SACS: variants seen among roughly 807,000 people sequenced by gnomAD.
The protein encoded by SACS is sacsin.
In SACS, 197 loss-of-function variants were observed where a neutral mutation model predicts 348.0. The ratio of observed to expected loss-of-function variants is 0.57; its 90% confidence interval spans 0.50 to 0.64. The LOEUF (loss-of-function observed/expected upper bound fraction) is 0.64. Ranked by LOEUF, SACS falls within the 30% of genes least tolerant of loss-of-function variation. SACS has a pLI of 0.00. For synonymous variants in SACS, 1,985 were observed against 1,910.6 expected, an observed-to-expected ratio of 1.04 and a Z score of -1.02; for missense variants, 4,999 against 5,360.8, an observed-to-expected ratio of 0.93 and a Z score of 2.11.
intron 2 of SACS, among the ~76,000 whole-genome samples, chr13:23,391,786 G>A (rs749772150): frequency 7.5e-6 from 1 of 134,050 alleles, no homozygotes; most frequent in Non-Finnish European, 1.6e-5. Flanking sequence ...CCATCCAGGA[G>A]GGAGAAAGGG....
In SACS at chr13:23,392,642, G is replaced by C. The variant is rs1872570654; in HGVS notation, c.21-17373C>G. ...ATATGAAAAAAGTAACTGATTCAAG[G>C]CCACACGACTAGCAAATGGCAAAGC... On this transcript the variant is annotated intron_variant, in intron 2 of 9. Coordinates refer to ENST00000382292, the MANE Select transcript of SACS (RefSeq NM_014363.6). Among the ~76,000 whole-genome samples, 2 of 152,156 alleles carry C rather than the reference G, an allele frequency of 1.3e-5. 1 individual carries two copies. The highest frequency in any genetic ancestry group is 4.1e-4 in the South Asian group (2 of 4,830).
Position 23,334,703 on chromosome 13 carries a change from A to C in SACS, c.9173T>G (p.Leu3058Arg), listed in dbSNP as rs758654165. The change falls in exon 10 of 10, where the codon CTG becomes CGG. Residue 3058 changes from leucine to arginine, a missense_variant. Around this residue, in one of 6 missense-constraint regions of SACS, gnomAD observed 734 missense variants for 694.0 expected, o/e 1.06. Transcript: ENST00000382292. The part of the protein sequence containing the change: ...RKTVAENVYR[L>R]KHLLLEIGFN... ...ACCAATTTCTAAAAGGAGATGTTTCAGCCTATAGACATTCTCTGCTACTGT... is the reference window on the plus strand; with the variant it reads ...ACCAATTTCTAAAAGGAGATGTTTCCGCCTATAGACATTCTCTGCTACTGT... 5.6e-6 allele frequency: 9 copies of C among 1,613,700 alleles called. No homozygotes were observed. The Admixed American group carries it at 1.0e-4, about 18-fold the overall frequency.
In SACS at chr13:23,340,130, T is replaced by C; in HGVS notation, c.3746A>G (p.Gln1249Arg). ...TFSDEDYYQF[Q>R]HILLEIYGFM... ...TCCGTAAATCTCAAGCAAAATATGC[T>C]GGAATTGATAGTAGTCTTCATCACT... is the stretch of plus-strand genomic sequence containing the variant. Residue 1249 changes from glutamine to arginine, a missense_variant, in exon 10 of 10, where the codon CAG (glutamine) becomes CGG (arginine). Gln to Arg is a conservative substitution (Grantham distance 43, BLOSUM62 1). This residue lies in a region of SACS where 3,156 missense variants were observed against 3,380.1 expected (regional missense o/e 0.93). Transcript: ENST00000382292. The C allele has an allele frequency of 6.2e-7, 1 of 1,613,722 alleles. No homozygotes were observed. Among genetic ancestry groups the C allele is most frequent in the Non-Finnish European group, 8.5e-7 (1 of 1,179,856 alleles).
At chr13:23,388,424 A>G (rs1025658860) in intron 2 of SACS, among the ~76,000 whole-genome samples, 12 of 146,306 alleles carry the variant, frequency 8.2e-5, no homozygotes, top group African/African-American at 2.0e-4. Context: ...GTGTGTGTGT[A>G]TATATATATA....
In SACS at chr13:23,355,892, A is replaced by G. The variant is rs1028885173; in HGVS notation, c.720T>C (p.Ile240=). 6.2e-7 allele frequency: 1 copy of G among 1,614,156 alleles called. No individual in the cohort carries two copies. Among genetic ancestry groups the G allele is most frequent in the Non-Finnish European group, 8.5e-7 (1 of 1,180,012 alleles). Residue 240 remains isoleucine, a synonymous_variant, in exon 8 of 10, where the codon ATT becomes ATC. Coordinates refer to ENST00000382292, the MANE Select transcript of SACS (RefSeq NM_014363.6). Reference sequence around the variant, plus strand: ...GTGCAAACTGGTCTGAAAGTTCACTAATTTCTTTGCTGTCATCTTTGAGAT... The same window carrying G: ...GTGCAAACTGGTCTGAAAGTTCACTGATTTCTTTGCTGTCATCTTTGAGAT... ...CWNLKDDSKE[I]SELSDQFAPF...
chr13:23,346,481 G>A (rs570104981), intron 9 of SACS, among the ~76,000 whole-genome samples: 33 of 152,000 alleles, frequency 2.2e-4, no homozygotes, highest in Admixed American at 1.8e-3. Context: ...TGTGTGCGTC[G>A]TATAATAGAG....
chr13:23,340,040 C>T lies in SACS; in HGVS notation c.3836G>A (p.Trp1279Ter), dbSNP rs756963289. ...AAGTGGACAAAACTTTTTGCCAGTC[C>T]AAACCCATGGAAATTTTAAGGCTCT... ...SFRALKFPWVWTGKKFCPLAQ... is the reference protein window; with the variant it reads ...SFRALKFPWV Residue 1279 changes from tryptophan to a stop codon, truncating the protein, a stop_gained, in exon 10 of 10, where the codon TGG (tryptophan) becomes TAG (stop). Coordinates refer to ENST00000382292, the MANE Select transcript of SACS (RefSeq NM_014363.6). LOFTEE classifies it high-confidence loss of function. 6.2e-7 allele frequency: 1 copy of T among 1,613,918 alleles called. No homozygotes were observed. The highest frequency in any genetic ancestry group is 8.5e-7 in the Non-Finnish European group (1 of 1,179,950).
intron 2 of SACS, among the ~76,000 whole-genome samples, chr13:23,396,095 G>A (rs1872701776): frequency 6.6e-6 from 1 of 151,970 alleles, no homozygotes; most frequent in South Asian, 2.1e-4. Context: ...AGGCCGAGGT[G>A]GACAGATTAT....
chr13:23,356,062 AT>A, intron 7 of SACS, 55 bp from the exon 8 acceptor site: 1 of 1,390,226 alleles, frequency 7.2e-7, no homozygotes, highest in Non-Finnish European at 1.0e-6. Context: ...GACAATTATG[AT>A]TACAATTATA....
chr13:23,370,109 T>C (rs2137810433), intron 4 of SACS, among the ~76,000 whole-genome samples: 1 of 151,908 alleles, frequency 6.6e-6, no homozygotes, highest in South Asian at 2.1e-4. Context: ...TCGCCTGCCT[T>C]GGCCTCCCAA....
At position 23,333,001 on chromosome 13, in the gene SACS, A is replaced by G; in HGVS notation, c.10875T>C (p.Val3625=). 6.2e-7 allele frequency: 1 copy of G among 1,613,978 alleles called. No homozygotes were observed. Among genetic ancestry groups the G allele is most frequent in the Non-Finnish European group, 8.5e-7 (1 of 1,179,914 alleles). The change falls in exon 10 of 10, where the codon GTT becomes GTC. Residue 3625 remains valine, a synonymous_variant. Transcript: ENST00000382292. ...NWSKETLQNT[V]DILLHHIFQE... ...GGAATATATGATGCAGAAGGATATC[A>G]ACTGTATTTTGCAATGTTTCTTTGG...
chr13:23,421,906 G>A (rs573384553), intron 1 of SACS, among the ~76,000 whole-genome samples: 31 of 152,072 alleles, frequency 2.0e-4, no homozygotes, highest in African/African-American at 6.7e-4. Flanking sequence ...TTTAAGTGGG[G>A]CCTGGTGTTC....
At chr13:23,377,999 A>G (rs1328791235) in intron 2 of SACS, among the ~76,000 whole-genome samples, 1 of 152,238 alleles carries the variant, frequency 6.6e-6, no homozygotes, top group Non-Finnish European at 1.5e-5. Context: ...TCAGGTAGAC[A>G]CAATTGCTTC....
intron 2 of SACS, among the ~76,000 whole-genome samples, chr13:23,407,781 C>G (rs925669625): frequency 1.3e-5 from 2 of 152,198 alleles, no homozygotes; most frequent in East Asian, 3.8e-4. Flanking sequence ...ACCTGCCTAG[C>G]CCAGCTGGTG....
chr13:23,372,356 A>G (rs1871447375), intron 3 of SACS, among the ~76,000 whole-genome samples: 1 of 152,206 alleles, frequency 6.6e-6, no homozygotes, highest in African/African-American at 2.4e-5. Context: ...TGATAAGCAT[A>G]TTCTCAACAC....
At position 23,371,170 on chromosome 13, in the gene SACS, A is replaced by G. The variant is rs1252107719; in HGVS notation, c.172-5T>C. The G allele has an allele frequency of 6.3e-7, 1 of 1,587,092 alleles. No homozygotes were observed. The highest frequency in any genetic ancestry group is 1.3e-5 in the African/African-American group (1 of 74,270). On this transcript the variant is annotated splice_polypyrimidine_tract_variant and splice_region_variant and intron_variant, in intron 3 of 9. Transcript: ENST00000382292. ...AATCTTGATCCAGTCAGATAACTGA[A>G]AAAAAGCAAAAGAAAATGTATGAAA...
At position 23,332,724 on chromosome 13, in the gene SACS, C is replaced by T. The variant is rs750040557; in HGVS notation, c.11152G>A (p.Glu3718Lys). 2.5e-6 allele frequency: 4 copies of T among 1,614,034 alleles called. No homozygotes were observed. Among genetic ancestry groups the T allele is most frequent in the Non-Finnish European group, 3.4e-6 (4 of 1,179,952 alleles). ...GGACCAAGGTCACTACCTTCTTGTT[C>T]TTTAATGCTTAAGGGTGTAGCTTTC... ...PEKATPLSIK[E>K]QEGSDLGPQE... The change falls in exon 10 of 10, where the codon GAA (glutamate) becomes AAA (lysine). Residue 3718 changes from glutamate (E) to lysine (K), a missense_variant. Around this residue, in one of 6 missense-constraint regions of SACS, gnomAD observed 831 missense variants for 941.8 expected, o/e 0.88. Transcript: ENST00000382292.
In SACS at chr13:23,330,757, G is replaced by A. The variant is rs368124828; in HGVS notation, c.13119C>T (p.Asp4373=). 38 of 1,613,708 alleles carry A rather than the reference G, an allele frequency of 2.4e-5. No individual in the cohort carries two copies. Among genetic ancestry groups the A allele is most frequent in the Non-Finnish European group, 3.1e-5 (37 of 1,179,918 alleles). Residue 4373 remains aspartate, a synonymous_variant, in exon 10 of 10, where the codon GAC becomes GAT. Coordinates refer to ENST00000382292, the MANE Select transcript of SACS (RefSeq NM_014363.6). ...EKQAFLDQNA[D]RASRRTFSTS... ...TTGAAAATGTTCGTCTGGAGGCCCT[G>A]TCTGCATTTTGATCTAGAAAAGCCT...
chr13:23,425,259 G>A (rs563092085), intron 1 of SACS, among the ~76,000 whole-genome samples: 58 of 151,760 alleles, frequency 3.8e-4, no homozygotes, highest in African/African-American at 1.3e-3. Context: ...ACATACAGAT[G>A]CCCGATGTCC....
Sources: gnomAD v4.1 joint callset for allele counts (sites outside exome capture counted in the v4.1 genomes callset) on GRCh38, gnomAD v4.1.1 for gene constraint, gnomAD v4.1.1 regional missense constraint, MANE v1.5 for transcripts, NCBI Gene and HGNC (gene_info 2026-07-23, HGNC 2026-07-21) for gene names.